Variants in PDZRN3 observed in about 807,000 individuals in gnomAD.
PDZRN3 encodes the protein E3 ubiquitin-protein ligase PDZRN3.
Under a neutral mutation model 85.7 loss-of-function variants are expected in PDZRN3, and 38 were observed. The ratio of observed to expected loss-of-function variants is 0.44; its 90% CI spans 0.34 to 0.58. PDZRN3 has a LOEUF of 0.58. PDZRN3 is among the 20% of genes least tolerant of loss of function. PDZRN3 has a pLI of 0.01. For missense variants in PDZRN3, 1,629 were observed against 1,506.4 expected (o/e 1.08, Z -1.35); for synonymous variants, 759 against 638.0 (o/e 1.19, Z -2.86).
chr3:73,567,665 A>C (rs772375679), intron 3 of PDZRN3, among the ~76,000 whole-genome samples: 50 of 152,186 alleles, frequency 3.3e-4, no homozygotes, highest in Non-Finnish European at 6.5e-4. Flanking sequence ...CATTTGTAAA[A>C]ATGTCCTTTT....
intron 3 of PDZRN3, among the ~76,000 whole-genome samples, chr3:73,436,624 T>C (rs1575653146): frequency 9.5e-6 from 1 of 105,264 alleles, no homozygotes; most frequent in Admixed American, 8.1e-5. Context: ...TTACACATCC[T>C]TTTTACTCTT....
intron 5 of PDZRN3, among the ~76,000 whole-genome samples, chr3:73,394,780 G>C (rs1701602122): frequency 6.6e-6 from 1 of 152,190 alleles, no homozygotes; most frequent in Non-Finnish European, 1.5e-5. Flanking sequence ...TCAAGGGATG[G>C]TTCAACATCA....
Position 73,602,392 on chromosome 3 carries a change from T to C in PDZRN3, c.880A>G (p.Lys294Glu). 3 of 1,609,020 alleles carry C rather than the reference T, an allele frequency of 1.9e-6. No individual in the cohort carries two copies. Among genetic ancestry groups the C allele is most frequent in the Non-Finnish European group, 2.6e-6 (3 of 1,175,294 alleles). Reference protein sequence around the residue: ...SKIVDSGPAAKEGGLQIHDRI... With the variant: ...SKIVDSGPAAEEGGLQIHDRI... The stretch of plus-strand genomic sequence containing the variant: ...TCATGAATTTGCAGGCCTCCTTCCT[T>C]GGCTGCAGGCCCACTGTCAACTATC... Residue 294 changes from lysine (K) to glutamate (E), a missense_variant, in exon 3 of 10, where the codon AAG (lysine) becomes GAG (glutamate). Coordinates refer to ENST00000263666, the MANE Select transcript of PDZRN3 (RefSeq NM_015009.3).
intron 1 of PDZRN3, among the ~76,000 whole-genome samples, chr3:73,617,322 C>T (rs1464235839): frequency 1.3e-5 from 2 of 152,176 alleles, no homozygotes; most frequent in Non-Finnish European, 2.9e-5. Context: ...ATTTTCTTTA[C>T]AAGAGTAATC....
At chr3:73,439,315 T>C (rs1055732797) in intron 3 of PDZRN3, among the ~76,000 whole-genome samples, 3 of 152,348 alleles carry the variant, frequency 2.0e-5, no homozygotes, top group Admixed American at 1.3e-4. Context: ...GTGTCTGACA[T>C]GAACAAAGAA....
intron 3 of PDZRN3, among the ~76,000 whole-genome samples, chr3:73,565,278 G>A (rs902264514): frequency 6.6e-6 from 1 of 151,978 alleles, no homozygotes. Flanking sequence ...ACAGGTGCCT[G>A]CTACTATGTC....
intron 3 of PDZRN3, among the ~76,000 whole-genome samples, chr3:73,450,956 A>T (rs1702845836): frequency 1.3e-5 from 2 of 152,018 alleles, no homozygotes. Context: ...GGCACATCTC[A>T]AATTTCACCC....
chr3:73,424,402 G>A (rs1036273856), intron 3 of PDZRN3, among the ~76,000 whole-genome samples: 1 of 145,116 alleles, frequency 6.9e-6, no homozygotes, highest in Non-Finnish European at 1.5e-5. Context: ...ATAGCTGAGT[G>A]TAGTGGCAGG....
intron 3 of PDZRN3, among the ~76,000 whole-genome samples, chr3:73,589,654 A>T (rs1216599654): frequency 6.6e-6 from 1 of 152,192 alleles, no homozygotes; most frequent in Non-Finnish European, 1.5e-5. Flanking sequence ...GCATCAAAAT[A>T]AAGATTTCCT....
intron 3 of PDZRN3, among the ~76,000 whole-genome samples, chr3:73,539,795 A>G (rs1195299060): frequency 6.6e-6 from 1 of 152,184 alleles, no homozygotes; most frequent in East Asian, 1.9e-4. Flanking sequence ...GGGGAAGAAT[A>G]CTGACACAGA....
intron 5 of PDZRN3, 100 bp from the exon 6 acceptor site, chr3:73,391,216 A>T: frequency 1.3e-6 from 1 of 775,334 alleles, no homozygotes; most frequent in Non-Finnish European, 2.3e-6. Context: ...GAGGAACTGG[A>T]TTTCTTTGCA....
At chr3:73,618,954 C>A (rs777494550) in intron 1 of PDZRN3, among the ~76,000 whole-genome samples, 1 of 152,152 alleles carries the variant, frequency 6.6e-6, no homozygotes, top group Non-Finnish European at 1.5e-5. Flanking sequence ...ATGGTGAATA[C>A]TCTAACAGAT....
intron 3 of PDZRN3, among the ~76,000 whole-genome samples, chr3:73,491,505 G>A (rs948270471): frequency 1.3e-5 from 2 of 151,742 alleles, no homozygotes; most frequent in Admixed American, 1.3e-4. Flanking sequence ...GGAGTATGAG[G>A]TCATGGGAAG....
chr3:73,514,806 T>C (rs555224105), intron 3 of PDZRN3, among the ~76,000 whole-genome samples: 3 of 152,340 alleles, frequency 2.0e-5, no homozygotes, highest in Non-Finnish European at 2.9e-5. Context: ...CCAACAATAA[T>C]GGCAGATACA....
chr3:73,580,419 C>A (rs1415907222), intron 3 of PDZRN3, among the ~76,000 whole-genome samples: 2 of 152,246 alleles, frequency 1.3e-5, no homozygotes, highest in Non-Finnish European at 2.9e-5. Flanking sequence ...CCAGCTCTCA[C>A]AGCCATGCTG....
At chr3:73,389,742 A>G in intron 7 of PDZRN3, 74 bp downstream of exon 7, 1 of 1,083,680 alleles carries the variant, frequency 9.2e-7, no homozygotes, top group Non-Finnish European at 1.4e-6. Context: ...TTTCAACCCT[A>G]GACCTATCAT....
intron 3 of PDZRN3, among the ~76,000 whole-genome samples, chr3:73,476,822 T>C (rs972556093): frequency 6.6e-6 from 1 of 152,198 alleles, no homozygotes; most frequent in African/African-American, 2.4e-5. Context: ...TGAGCCGTCA[T>C]GGAAGCCGAC....
In PDZRN3 at chr3:73,470,041, C is replaced by T. The variant is rs534102258; in HGVS notation, c.919-65646G>A. On this transcript the variant is annotated intron_variant, in intron 3 of 9. Transcript: ENST00000263666. ...CAGCAGTGACAACCAAAAACGTCTC[C>T]AGACATTATTAAATGTTCCTTGGGG... Among the ~76,000 whole-genome samples, 7 of 152,280 alleles carry T rather than the reference C, an allele frequency of 4.6e-5. No individual in the cohort carries two copies. The East Asian group carries it at 1.3e-3, about 29-fold the overall frequency.
intron 3 of PDZRN3, among the ~76,000 whole-genome samples, chr3:73,529,135 G>A (rs565883774): frequency 1.3e-5 from 2 of 152,202 alleles, no homozygotes; most frequent in Middle Eastern, 3.4e-3. Context: ...TAAAAAGTAA[G>A]CACCTCTGCT....
Sources: allele counts gnomAD v4.1 joint callset (sites outside exome capture counted in the v4.1 genomes callset), GRCh38; gene constraint gnomAD v4.1.1; transcripts MANE v1.5; gene names NCBI Gene and HGNC (gene_info 2026-07-23, HGNC 2026-07-21).